The following NRXN3 variants were observed in gnomAD, a reference collection of about 807,000 sequenced individuals.
The protein encoded by NRXN3 is neurexin 3.
In NRXN3, 32 loss-of-function variants were observed where a neutral mutation model predicts 137.6. The observed-to-expected ratio is 0.23, with a 90% CI of 0.18 to 0.31. The LOEUF (loss-of-function observed/expected upper bound fraction) is 0.31. Among genes scored for constraint, NRXN3 ranks in the 10% least tolerant of loss-of-function variants. NRXN3 has a pLI of 1.00. For missense variants in NRXN3, 1,574 were observed against 2,062.5 expected (o/e 0.76, Z 4.59); for synonymous variants, 798 against 784.5 (o/e 1.02, Z -0.29).
rs137890226 is a variant in NRXN3 at position 78,614,350 on chromosome 14, T to C, written c.758-30770T>C. 1.7e-3 allele frequency among the ~76,000 whole-genome samples: 257 copies of C among 152,302 alleles called. 1 individual carries two copies. Among genetic ancestry groups the C allele is most frequent in the Middle Eastern group, 0.014 (4 of 294 alleles). ...AAATAAAACAAAATTGGCTGTTTAC[T>C]AAAAAGATCTTGTGAAGCCCCAATC... is the stretch of plus-strand genomic sequence containing the variant. On this transcript the variant is annotated intron_variant, in intron 4 of 20. Coordinates refer to ENST00000335750, the MANE Select transcript of NRXN3 (RefSeq NM_001330195.2).
chr14:78,775,095 A>G (rs1051949240), intron 8 of NRXN3, among the ~76,000 whole-genome samples: 1 of 152,314 alleles, frequency 6.6e-6, no homozygotes, highest in Middle Eastern at 3.4e-3. Context: ...TTTTCAACCT[A>G]TATACTTCCT....
chr14:79,636,643 G>T (rs928575179), intron 16 of NRXN3, among the ~76,000 whole-genome samples: 1 of 152,130 alleles, frequency 6.6e-6, no homozygotes, highest in Non-Finnish European at 1.5e-5. Context: ...TGTGAGACTT[G>T]TTCTAGAAAT....
At chr14:79,586,708 TG>T (rs2097767697) in intron 16 of NRXN3, among the ~76,000 whole-genome samples, 1 of 152,214 alleles carries the variant, frequency 6.6e-6, no homozygotes, top group African/African-American at 2.4e-5. Flanking sequence ...TGAAATTCTG[TG>T]AACATTTAAG....
intron 18 of NRXN3, among the ~76,000 whole-genome samples, chr14:79,693,438 T>C (rs1197059979): frequency 6.6e-6 from 1 of 151,884 alleles, no homozygotes; most frequent in Non-Finnish European, 1.5e-5. Flanking sequence ...TAAGAATAAC[T>C]CTAAAAAGCA....
chr14:78,864,244 A>G (rs1042289297), intron 10 of NRXN3, among the ~76,000 whole-genome samples: 2 of 152,182 alleles, frequency 1.3e-5, no homozygotes, highest in Non-Finnish European at 2.9e-5. Context: ...TGAAAAGTTC[A>G]ACAAGTGAAC....
At chr14:78,513,598 G>A (rs1177254320) in intron 4 of NRXN3, among the ~76,000 whole-genome samples, 1 of 152,084 alleles carries the variant, frequency 6.6e-6, no homozygotes, top group Non-Finnish European at 1.5e-5. Flanking sequence ...AATACATGAG[G>A]AGTTAAGTAA....
At chr14:79,771,946 A>G (rs1279579018) in intron 19 of NRXN3, among the ~76,000 whole-genome samples, 5 of 133,070 alleles carry the variant, frequency 3.8e-5, no homozygotes, top group Non-Finnish European at 8.0e-5. Flanking sequence ...TACAAAATCA[A>G]TGTACAAAAA....
At chr14:79,041,350 G>A (rs369540184) in intron 15 of NRXN3, among the ~76,000 whole-genome samples, 14 of 152,114 alleles carry the variant, frequency 9.2e-5, no homozygotes, top group Non-Finnish European at 1.8e-4. Flanking sequence ...TAGGTGACCC[G>A]TTAAATTTGG....
At chr14:79,286,601 G>A (rs1248876023) in intron 15 of NRXN3, among the ~76,000 whole-genome samples, 1 of 149,346 alleles carries the variant, frequency 6.7e-6, no homozygotes, top group East Asian at 2.0e-4. Context: ...CCTAAGCAAA[G>A]CATTCCATCT....
intron 15 of NRXN3, among the ~76,000 whole-genome samples, chr14:79,321,784 A>G (rs1166731252): frequency 2.0e-5 from 3 of 149,640 alleles, no homozygotes; most frequent in Non-Finnish European, 4.4e-5. Flanking sequence ...ATATGTATAA[A>G]TAACTATATT....
intron 15 of NRXN3, among the ~76,000 whole-genome samples, chr14:79,081,558 C>A (rs1305327061): frequency 6.8e-6 from 1 of 148,028 alleles, no homozygotes; most frequent in Non-Finnish European, 1.5e-5. Context: ...GCAGAGGTTG[C>A]AGTGAGCCAA....
chr14:78,715,746 A>C (rs753532950), intron 8 of NRXN3, among the ~76,000 whole-genome samples: 3 of 152,170 alleles, frequency 2.0e-5, no homozygotes, highest in Non-Finnish European at 4.4e-5. Flanking sequence ...TTGAAACTTG[A>C]CTTCCTCATT....
At chr14:79,217,296 T>A (rs1306724399) in intron 15 of NRXN3, among the ~76,000 whole-genome samples, 2 of 152,132 alleles carry the variant, frequency 1.3e-5, no homozygotes, top group Non-Finnish European at 2.9e-5. Flanking sequence ...GCACATCACA[T>A]GACGAGAGCA....
chr14:79,050,137 C>T (rs2099639749), intron 15 of NRXN3, among the ~76,000 whole-genome samples: 1 of 152,156 alleles, frequency 6.6e-6, no homozygotes, highest in South Asian at 2.1e-4. Context: ...CTTACATTTG[C>T]CCTTCATCTA....
At chr14:79,376,254 A>G (rs1438211942) in intron 15 of NRXN3, among the ~76,000 whole-genome samples, 1 of 74,346 alleles carries the variant, frequency 1.3e-5, no homozygotes, top group Non-Finnish European at 3.2e-5. Flanking sequence ...ATATATATAT[A>G]TATATATATA....
chr14:79,535,303 ATT>A (rs1427906088), intron 16 of NRXN3, among the ~76,000 whole-genome samples: 3 of 152,212 alleles, frequency 2.0e-5, no homozygotes, highest in Non-Finnish European at 2.9e-5. Flanking sequence ...ATTGGAGTTC[ATT>A]ATGCTCGCTG....
At chr14:78,888,687 C>G (rs1316053300) in intron 10 of NRXN3, among the ~76,000 whole-genome samples, 1 of 151,874 alleles carries the variant, frequency 6.6e-6, no homozygotes, top group African/African-American at 2.4e-5. Context: ...TCAGTTTCTT[C>G]CCTTTTGTGA....
chr14:79,426,331 C>CA (rs1384556640), intron 15 of NRXN3, among the ~76,000 whole-genome samples: 2 of 152,162 alleles, frequency 1.3e-5, no homozygotes, highest in African/African-American at 4.8e-5. Flanking sequence ...ACTCCAATGT[C>CA]AGAGCTTGGC....
chr14:79,276,873 T>G (rs1284612456), intron 15 of NRXN3, among the ~76,000 whole-genome samples: 1 of 152,202 alleles, frequency 6.6e-6, no homozygotes, highest in Non-Finnish European at 1.5e-5. Context: ...ATTGATTCAC[T>G]GAGTTCGTTC....
Sources: gnomAD v4.1 joint callset for allele counts (sites outside exome capture counted in the v4.1 genomes callset) on GRCh38, gnomAD v4.1.1 for gene constraint, MANE v1.5 for transcripts, NCBI Gene and HGNC (gene_info 2026-07-23, HGNC 2026-07-21) for gene names.